CD8B: variants seen among roughly 807,000 people sequenced by gnomAD.
CD8B encodes the protein CD8 subunit beta, also known as T-cell surface glycoprotein CD8 beta chain.
CD8B carries 6 observed loss-of-function variants against 24.2 expected under a neutral mutation model. The observed-to-expected ratio is 0.25, with a 90% CI of 0.14 to 0.49. The LOEUF is 0.49. CD8B is among the 20% of genes least tolerant of loss of function. CD8B has a pLI of 0.98. For missense variants in CD8B, 196 were observed against 271.3 expected, an observed-to-expected ratio of 0.72 and a Z score of 1.95; for synonymous variants, 84 against 108.3, an observed-to-expected ratio of 0.78 and a Z score of 1.39.
downstream of CD8B, among the ~76,000 whole-genome samples, chr2:86,838,104 A>C (rs1558754471): frequency 1.3e-5 from 2 of 152,170 alleles, no homozygotes; most frequent in Non-Finnish European, 2.9e-5. Context: ...TTATGAATAA[A>C]TCTTTCGTTT....
chr2:86,828,926 CT>C (rs61058421), intron 5 of CD8B, among the ~76,000 whole-genome samples: 287 of 145,444 alleles, frequency 2.0e-3, no homozygotes, highest in Non-Finnish European at 3.0e-3. Flanking sequence ...CATACACACT[CT>C]TTTTTTTTTT....
At chr2:86,822,822 C>G (rs999689468) in intron 5 of CD8B, among the ~76,000 whole-genome samples, 1 of 152,176 alleles carries the variant, frequency 6.6e-6, no homozygotes, top group African/African-American at 2.4e-5. Context: ...TTTTGGGAGC[C>G]AGAATCAAGC....
chr2:86,824,154 T>C (rs1278230096), intron 5 of CD8B, among the ~76,000 whole-genome samples: 1 of 150,246 alleles, frequency 6.7e-6, no homozygotes, highest in Non-Finnish European at 1.5e-5. Flanking sequence ...CTGTGGCTGA[T>C]TGCAGTCAAC....
intron 5 of CD8B, among the ~76,000 whole-genome samples, chr2:86,827,068 G>A (rs752946337): frequency 1.5e-4 from 23 of 151,940 alleles, no homozygotes; most frequent in Non-Finnish European, 2.9e-4. Flanking sequence ...TGATCCACTC[G>A]CCTCGGCCTC....
At chr2:86,845,724 T>A (rs777027710) in intron 4 of CD8B, among the ~76,000 whole-genome samples, 1 of 152,222 alleles carries the variant, frequency 6.6e-6, no homozygotes, top group Non-Finnish European at 1.5e-5. Flanking sequence ...ATTAAATGTG[T>A]TTCAAAATAT....
In CD8B at chr2:86,852,651, G is replaced by A. The variant is rs1167437410; in HGVS notation, c.493+346C>T. ...TTATTATGGCCAAACAATATTCCAC[G>A]ATAATAAATAAGCCACATTTTGTTA... On this transcript the variant is annotated intron_variant, in intron 3 of 5. Coordinates refer to ENST00000390655, the MANE Select transcript of CD8B (RefSeq NM_004931.5). Among the ~76,000 whole-genome samples, 8 of 152,050 alleles carry A rather than the reference G, an allele frequency of 5.3e-5. No homozygotes were observed. In the East Asian group the frequency reaches 7.7e-4, roughly 15 times the overall value.
intron 5 of CD8B, chr2:86,843,406 A>G: frequency 2.0e-6 from 2 of 977,260 alleles, no homozygotes; most frequent in East Asian, 1.1e-4. Context: ...CTTGAATGGA[A>G]CTTTCTAGAG....
At chr2:86,827,594 C>T (rs1445640104) in intron 5 of CD8B, among the ~76,000 whole-genome samples, 6 of 150,360 alleles carry the variant, frequency 4.0e-5, no homozygotes, top group Non-Finnish European at 8.8e-5. Context: ...TGCACTCCAG[C>T]CTGGGTCACA....
intron 5 of CD8B, among the ~76,000 whole-genome samples, chr2:86,817,209 A>C (rs1674286559): frequency 6.6e-6 from 1 of 152,198 alleles, no homozygotes; most frequent in South Asian, 2.1e-4. Flanking sequence ...ATGGGGATGT[A>C]AATTGTTACA....
intron 5 of CD8B, chr2:86,821,800 C>T: frequency 2.6e-6 from 1 of 386,014 alleles, no homozygotes; most frequent in South Asian, 1.8e-5. Context: ...ACCCCGTCCT[C>T]TCCAAAGGGA....
In CD8B at chr2:86,838,832, T is replaced by C. The variant is rs1675291413; in HGVS notation, c.*3475A>G. On this transcript the variant is annotated 3_prime_UTR_variant, in exon 6 of 6. Coordinates refer to ENST00000390655, the MANE Select transcript of CD8B (RefSeq NM_004931.5). The stretch of plus-strand genomic sequence containing the variant: ...TGAAGAAACTTCCAAATACCAATTT[T>C]ACACATTTCTACAATGTTCTGTACT... Among the ~76,000 whole-genome samples the C allele has an allele frequency of 1.3e-5, 2 of 152,254 alleles. No individual in the cohort carries two copies. The highest frequency in any genetic ancestry group is 1.3e-4 in the Admixed American group (2 of 15,290).
At chr2:86,848,742 G>A (rs1172083206) in intron 3 of CD8B, among the ~76,000 whole-genome samples, 1 of 99,328 alleles carries the variant, frequency 1.0e-5, no homozygotes, top group Non-Finnish European at 2.0e-5. Context: ...TTGAGACGGA[G>A]TTTTGCTGTT....
intron 5 of CD8B, among the ~76,000 whole-genome samples, chr2:86,820,385 C>T (rs1449635560): frequency 6.6e-6 from 1 of 152,210 alleles, no homozygotes; most frequent in Non-Finnish European, 1.5e-5. Context: ...GGCACAGCCA[C>T]GCCAGCCTTT....
At chr2:86,831,828 A>G (rs921653746) in intron 5 of CD8B, among the ~76,000 whole-genome samples, 4 of 152,242 alleles carry the variant, frequency 2.6e-5, no homozygotes, top group African/African-American at 9.6e-5. Flanking sequence ...GAAATTAAAG[A>G]CTAGGGGCTG....
chr2:86,815,751 C>T, intron 5 of CD8B: 1 of 1,133,938 alleles, frequency 8.8e-7, no homozygotes, highest in Non-Finnish European at 1.3e-6. Flanking sequence ...AGTCTCAATA[C>T]ATGCACCAAG....
chr2:86,846,286 A>C lies in CD8B; in HGVS notation c.583+398T>G, dbSNP rs182353204. ...ACCCCATAGGCAAACTTTTCTGGACACTGGGCTTTGGTCTCAACTGCTCAC... is the reference window on the plus strand; with the variant it reads ...ACCCCATAGGCAAACTTTTCTGGACCCTGGGCTTTGGTCTCAACTGCTCAC... On this transcript the variant is annotated intron_variant, in intron 4 of 5. Coordinates refer to ENST00000390655, the MANE Select transcript of CD8B (RefSeq NM_004931.5). Among the ~76,000 whole-genome samples, 41 of 152,220 alleles carry C rather than the reference A, an allele frequency of 2.7e-4. No homozygotes were observed. The East Asian group carries it at 4.3e-3, about 16-fold the overall frequency.
At chr2:86,833,914 G>A (rs187438990), downstream of CD8B, among the ~76,000 whole-genome samples, 1 of 152,072 alleles carries the variant, frequency 6.6e-6, no homozygotes, top group East Asian at 1.9e-4. Flanking sequence ...CTCCCAAAGT[G>A]CTGGGGTTAC....
At chr2:86,829,264 G>A (rs1193430356) in intron 5 of CD8B, among the ~76,000 whole-genome samples, 1 of 151,760 alleles carries the variant, frequency 6.6e-6, no homozygotes, top group Non-Finnish European at 1.5e-5. Flanking sequence ...ATGCCACCAT[G>A]CCCGGCTAAT....
intron 3 of CD8B, among the ~76,000 whole-genome samples, chr2:86,849,739 T>C (rs1208441455): frequency 1.4e-5 from 2 of 147,852 alleles, no homozygotes; most frequent in African/African-American, 5.0e-5. Flanking sequence ...GGTCTTGCTC[T>C]GTCGCCCAGG....
Sources: allele counts gnomAD v4.1 joint callset (sites outside exome capture counted in the v4.1 genomes callset), GRCh38; gene constraint gnomAD v4.1.1; transcripts MANE v1.5; gene names NCBI Gene and HGNC (gene_info 2026-07-23, HGNC 2026-07-21).